SIPA1L2: variants seen among roughly 807,000 people sequenced by gnomAD.
SIPA1L2 encodes signal-induced proliferation-associated 1-like protein 2.
In SIPA1L2, 56 loss-of-function variants were observed where a neutral mutation model predicts 163.9. The observed-to-expected ratio is 0.34, with a 90% CI of 0.28 to 0.43. The LOEUF is 0.43. Among genes scored for constraint, SIPA1L2 ranks in the 20% least tolerant of loss-of-function variants. The pLI, the probability that SIPA1L2 is intolerant of heterozygous loss-of-function variation, is 1.00. For synonymous variants in SIPA1L2, 877 were observed against 865.7 expected, an observed-to-expected ratio of 1.01 and a Z score of -0.23; for missense variants, 1,974 against 2,193.5, an observed-to-expected ratio of 0.90 and a Z score of 2.00.
chr1:232,443,805 CAT>C (rs1663048366), intron 11 of SIPA1L2, 120 bp from the exon 12 acceptor site: 2 of 710,024 alleles, frequency 2.8e-6, no homozygotes, highest in African/African-American at 1.8e-5. Context: ...GGAAGAAAAA[CAT>C]ATTGCCATGT....
At chr1:232,491,104 C>T (rs201426940) in intron 4 of SIPA1L2, 42 bp from the exon 5 acceptor site, 2 of 1,539,894 alleles carry the variant, frequency 1.3e-6, no homozygotes, top group African/African-American at 1.4e-5. Flanking sequence ...TATTGATTCT[C>T]AATTACCTAC....
chr1:232,581,150 C>A (rs1001081214), intron 1 of SIPA1L2, among the ~76,000 whole-genome samples: 29 of 152,326 alleles, frequency 1.9e-4, no homozygotes, highest in African/African-American at 6.7e-4. Context: ...CTCCTCGTGT[C>A]CCTTTCCCAC....
chr1:232,598,753 A>C (rs1661420164), intron 1 of SIPA1L2, among the ~76,000 whole-genome samples: 1 of 152,058 alleles, frequency 6.6e-6, no homozygotes, highest in Non-Finnish European at 1.5e-5. Context: ...AGGCCTCATG[A>C]CCTAATCACC....
intron 2 of SIPA1L2, among the ~76,000 whole-genome samples, chr1:232,533,904 A>C (rs868209724): frequency 6.6e-6 from 1 of 152,218 alleles, no homozygotes; most frequent in Non-Finnish European, 1.5e-5. Context: ...AAAATATTAG[A>C]TGCAAGGCAT....
chr1:232,530,858 C>G (rs1656875737), intron 2 of SIPA1L2, among the ~76,000 whole-genome samples: 1 of 152,218 alleles, frequency 6.6e-6, no homozygotes, highest in Non-Finnish European at 1.5e-5. Flanking sequence ...TTTCCCCTCT[C>G]ACAAGTACTG....
In SIPA1L2 at chr1:232,451,003, A is replaced by G. The variant is rs187937675; in HGVS notation, c.3096-5217T>C. ...GAACTGGCATTCTTTTGCCCTAATA[A>G]AAATTAGCTATTCTCAAAAGAATGG... On this transcript the variant is annotated intron_variant, in intron 10 of 22. Transcript: ENST00000674635. Among the ~76,000 whole-genome samples the G allele has an allele frequency of 9.8e-5, 15 of 152,318 alleles. No homozygotes were observed. In the East Asian group the frequency reaches 2.9e-3, roughly 29 times the overall value.
Position 232,460,882 on chromosome 1 carries a change from C to A in SIPA1L2, c.3095+5G>T, listed in dbSNP as rs1664198405. ...TGAGCATTACTTGGGCCTCCCACGCCTTACCTTCGGGGCGAGCCGTCATCA... is the reference window on the plus strand; with the variant it reads ...TGAGCATTACTTGGGCCTCCCACGCATTACCTTCGGGGCGAGCCGTCATCA... On this transcript the variant is annotated splice_donor_5th_base_variant and intron_variant, in intron 10 of 22. Coordinates refer to ENST00000674635, the MANE Select transcript of SIPA1L2 (RefSeq NM_020808.5). The A allele has an allele frequency of 6.2e-7, 1 of 1,610,862 alleles. No homozygotes were observed. Among genetic ancestry groups the A allele is most frequent in the South Asian group, 1.1e-5 (1 of 90,964 alleles).
In SIPA1L2 at chr1:232,399,284, C is replaced by T. The variant is rs629939; in HGVS notation, c.5023-11G>A. 1,601,474 of 1,612,608 alleles carry T rather than the reference C, an allele frequency of 0.99. 795,220 individuals are homozygous for T. Among genetic ancestry groups the T allele is most frequent in the East Asian group, 1 (44,834 of 44,834 alleles). On this transcript the variant is annotated splice_polypyrimidine_tract_variant and intron_variant, in intron 22 of 22. Transcript: ENST00000674635. ...CTTGTCTTGTTTTTCCTGGTCAGAG[C>T]AGAAATAAACTGAGTCATGGAGACT...
At chr1:232,485,151 T>C (rs1459125618) in intron 5 of SIPA1L2, among the ~76,000 whole-genome samples, 1 of 152,180 alleles carries the variant, frequency 6.6e-6, no homozygotes, top group Non-Finnish European at 1.5e-5. Flanking sequence ...CCATATATTC[T>C]GAATGCATTC....
intron 9 of SIPA1L2, chr1:232,462,261 C>T: frequency 6.4e-7 from 1 of 1,550,822 alleles, no homozygotes; most frequent in Non-Finnish European, 8.7e-7. Flanking sequence ...ACTATGACCT[C>T]ACCTATCTGT....
At chr1:232,619,893 A>ATT (rs111286928) in intron 1 of SIPA1L2, among the ~76,000 whole-genome samples, 223 of 150,694 alleles carry the variant, frequency 1.5e-3, no homozygotes, top group Middle Eastern at 3.4e-3. Flanking sequence ...CTCCAAATAG[A>ATT]TTTTTTTTTT....
intron 2 of SIPA1L2, among the ~76,000 whole-genome samples, chr1:232,554,249 A>C (rs1458970649): frequency 6.6e-6 from 1 of 152,230 alleles, no homozygotes; most frequent in Non-Finnish European, 1.5e-5. Context: ...AAACCAGAAG[A>C]GAAGGACAAA....
At chr1:232,419,894 AG>A (rs1661468073) in intron 18 of SIPA1L2, among the ~76,000 whole-genome samples, 1 of 152,206 alleles carries the variant, frequency 6.6e-6, no homozygotes, top group South Asian at 2.1e-4. Flanking sequence ...TCTATATTCC[AG>A]GAACTACTGG....
At chr1:232,620,077 G>T (rs1273716973) in intron 1 of SIPA1L2, among the ~76,000 whole-genome samples, 4 of 152,104 alleles carry the variant, frequency 2.6e-5, no homozygotes, top group South Asian at 2.1e-4. Flanking sequence ...TAGAGACGGG[G>T]TTTCACCATG....
chr1:232,625,988 G>A (rs942532641), intron 1 of SIPA1L2, among the ~76,000 whole-genome samples: 6 of 152,146 alleles, frequency 3.9e-5, no homozygotes, highest in Admixed American at 2.0e-4. Flanking sequence ...TCTGTGTGGG[G>A]ATAGATATAA....
intron 2 of SIPA1L2, among the ~76,000 whole-genome samples, chr1:232,519,779 A>G (rs1174401694): frequency 1.3e-5 from 2 of 152,230 alleles, no homozygotes; most frequent in African/African-American, 4.8e-5. Flanking sequence ...GTACATGTAT[A>G]TGGTGAGTGC....
rs572592412 is a variant in SIPA1L2 at position 232,464,814 on chromosome 1, C to A, written c.2820+26G>T. On this transcript the variant is annotated intron_variant, in intron 9 of 22. Transcript: ENST00000674635. ...TCTGGAATTGAAAACATAAGGATGG[C>A]GGGAAAATAGAAAACATGTACTTAC... 5 of 1,526,330 alleles carry A rather than the reference C, an allele frequency of 3.3e-6. No homozygotes were observed. In the East Asian group the frequency reaches 6.8e-5, roughly 21 times the overall value. The allele number at this position is 1,526,330 out of a possible 1,614,324, so 94.5% of individuals were successfully genotyped here.
intron 8 of SIPA1L2, among the ~76,000 whole-genome samples, chr1:232,467,411 C>G (rs1009093247): frequency 1.3e-5 from 2 of 152,126 alleles, no homozygotes; most frequent in African/African-American, 4.8e-5. Context: ...AGGTGTGGCC[C>G]ATTTTCCCCT....
intron 10 of SIPA1L2, among the ~76,000 whole-genome samples, chr1:232,447,204 A>T (rs2102877689): frequency 6.6e-6 from 1 of 152,354 alleles, no homozygotes; most frequent in East Asian, 1.9e-4. Context: ...TATAAAGTTA[A>T]AATATATTAC....
Sources: gnomAD v4.1 joint callset for allele counts (sites outside exome capture counted in the v4.1 genomes callset) on GRCh38, gnomAD v4.1.1 for gene constraint, MANE v1.5 for transcripts, NCBI Gene and HGNC (gene_info 2026-07-23, HGNC 2026-07-21) for gene names.